The following TUBGCP3 variants were observed in gnomAD, a reference collection of about 807,000 sequenced individuals.
The protein encoded by TUBGCP3 is tubulin gamma complex component 3, also known as gamma-tubulin complex component 3.
Under a neutral mutation model 123.1 loss-of-function variants are expected in TUBGCP3, and 50 were observed. That is an observed-to-expected ratio of 0.41 (90% CI 0.32 to 0.51). TUBGCP3 has a LOEUF of 0.51. TUBGCP3 is among the 20% of genes least tolerant of loss of function. The pLI is 0.36. For synonymous variants in TUBGCP3, 405 were observed against 413.9 expected, an observed-to-expected ratio of 0.98 and a Z score of 0.26; for missense variants, 882 against 1,127.0, an observed-to-expected ratio of 0.78 and a Z score of 3.11.
At chr13:112,604,751 C>G in the TUBGCP3 span, 1 of 152,216 alleles carries the variant, frequency 6.6e-6, no homozygotes, top group Non-Finnish European at 1.5e-5. Flanking sequence ...CACCCAGTCT[C>G]TCTCCACCGC....
rs117932005 is a variant in TUBGCP3, at chr13:112,567,832, T to C, written c.184+1320A>G. Among the ~76,000 whole-genome samples, 297 of 152,344 alleles carry C rather than the reference T, an allele frequency of 1.9e-3. 1 individual carries two copies. Among genetic ancestry groups the C allele is most frequent in the East Asian group, 0.014 (73 of 5,192 alleles). On this transcript the variant is annotated intron_variant, in intron 2 of 21. Coordinates refer to ENST00000261965, the MANE Select transcript of TUBGCP3 (RefSeq NM_006322.6). Reference sequence around the variant, plus strand: ...ACCATGGGCCAAACACAGTTCATAATGCAACAGCCAGGGGTGGAAAACTGT... The same window carrying C: ...ACCATGGGCCAAACACAGTTCATAACGCAACAGCCAGGGGTGGAAAACTGT...
Position 112,498,018 on chromosome 13 carries a change from GTACATA to G in TUBGCP3, c.2448+1021_2448+1026del, listed in dbSNP as rs1212624635. ...CGTTAAGTACAGAAATTTGGTTCAT[GTACATA>G]TACATGTACACACACACACACATGC... On this transcript the variant is annotated intron_variant, in intron 20 of 21. Coordinates refer to ENST00000261965, the MANE Select transcript of TUBGCP3 (RefSeq NM_006322.6). 4.6e-5 allele frequency among the ~76,000 whole-genome samples: 7 copies of G among 152,154 alleles called. No homozygotes were observed. The South Asian group carries it at 1.5e-3, about 32-fold the overall frequency.
At chr13:112,489,973 A>G (rs1333217316) in intron 20 of TUBGCP3, 4 of 459,836 alleles carry the variant, frequency 8.7e-6, no homozygotes, top group African/African-American at 5.8e-5. Flanking sequence ...AAGGTATATA[A>G]TTCATCTCAT....
At chr13:112,591,035 G>A (rs1746166817), upstream of TUBGCP3, among the ~76,000 whole-genome samples, 1 of 152,186 alleles carries the variant, frequency 6.6e-6, no homozygotes, top group Admixed American at 6.5e-5. Context: ...CTGTTATTTA[G>A]TAAAAGATTC....
At chr13:112,604,953 G>A in the TUBGCP3 span, 2 of 152,150 alleles carry the variant, frequency 1.3e-5, no homozygotes, top group Non-Finnish European at 2.9e-5. Context: ...ATGACATCTG[G>A]CTTGTCTTTA....
chr13:112,492,791 A>G (rs1183574431), intron 20 of TUBGCP3, among the ~76,000 whole-genome samples: 2 of 151,632 alleles, frequency 1.3e-5, no homozygotes, highest in Non-Finnish European at 2.9e-5. Flanking sequence ...AGCTATGGGA[A>G]CATGGCCTGG....
intron 17 of TUBGCP3, among the ~76,000 whole-genome samples, chr13:112,510,306 G>A (rs1881592667): frequency 6.6e-6 from 1 of 152,166 alleles, no homozygotes; most frequent in African/African-American, 2.4e-5. Flanking sequence ...ATAGCATCGA[G>A]TACTGCTAAA....
chr13:112,544,263 CT>C (rs1878788163), intron 11 of TUBGCP3, among the ~76,000 whole-genome samples: 1 of 151,952 alleles, frequency 6.6e-6, no homozygotes, highest in Non-Finnish European at 1.5e-5. Flanking sequence ...ACCATCCTGG[CT>C]AACACAGTGA....
chr13:112,548,047 T>A, intron 9 of TUBGCP3, 61 bp downstream of exon 9: 1 of 1,299,198 alleles, frequency 7.7e-7, no homozygotes, highest in South Asian at 1.5e-5. Flanking sequence ...ACATTCTATA[T>A]AGCTTCAATT....
In TUBGCP3 at chr13:112,492,679, G is replaced by A. The variant is rs147502132; in HGVS notation, c.2449-2982C>T. On this transcript the variant is annotated intron_variant, in intron 20 of 21. Coordinates refer to ENST00000261965, the MANE Select transcript of TUBGCP3 (RefSeq NM_006322.6). Reference sequence around the variant, plus strand: ...CCTGAGATGCTCTGGCTATGGGAACGGGGCCTGGTATGCCTGAGACACCCT... The same window carrying A: ...CCTGAGATGCTCTGGCTATGGGAACAGGGCCTGGTATGCCTGAGACACCCT... 9.3e-3 allele frequency among the ~76,000 whole-genome samples: 1,331 copies of A among 143,518 alleles called. 7 individuals are homozygous for A. Among genetic ancestry groups the A allele is most frequent in the Middle Eastern group, 0.017 (4 of 236 alleles). The allele number at this position is 143,518 out of a possible 152,430, so 94.2% of individuals were successfully genotyped here.
chr13:112,539,633 T>C (rs1878337237), intron 11 of TUBGCP3, among the ~76,000 whole-genome samples: 1 of 152,212 alleles, frequency 6.6e-6, no homozygotes, highest in African/African-American at 2.4e-5. Flanking sequence ...TAGAGCTCTA[T>C]CTAATCTCAG....
In TUBGCP3 at chr13:112,503,980, A is replaced by G. The variant is rs964905515; in HGVS notation, c.2307+52T>C. The G allele has an allele frequency of 6.4e-6, 10 of 1,556,672 alleles. No individual in the cohort carries two copies. The African/African-American group carries it at 1.2e-4, about 19-fold the overall frequency. ...TTCCCCCATTTGACAGGAACCCAAG[A>G]AAAGAAGATGATTCTTTTGGTTTCT... On this transcript the variant is annotated intron_variant, in intron 19 of 21. Coordinates refer to ENST00000261965, the MANE Select transcript of TUBGCP3 (RefSeq NM_006322.6).
At chr13:112,590,450 A>G (rs1187309721), upstream of TUBGCP3, among the ~76,000 whole-genome samples, 1 of 151,986 alleles carries the variant, frequency 6.6e-6, no homozygotes, top group Non-Finnish European at 1.5e-5. Context: ...CCAGTTCTCC[A>G]TGTCATTTTC....
intron 11 of TUBGCP3, among the ~76,000 whole-genome samples, chr13:112,543,914 G>A (rs1163239100): frequency 6.6e-6 from 1 of 152,076 alleles, no homozygotes; most frequent in Non-Finnish European, 1.5e-5. Context: ...GTAATCAGAA[G>A]AAGAAATAAA....
chr13:112,546,126 A>C, intron 10 of TUBGCP3: 2 of 371,684 alleles, frequency 5.4e-6, no homozygotes, highest in South Asian at 1.2e-4. Context: ...TTTCAGAAAC[A>C]AAAAGTAGCA....
intron 1 of TUBGCP3, among the ~76,000 whole-genome samples, chr13:112,570,858 G>A (rs1480393783): frequency 6.6e-6 from 1 of 152,134 alleles, no homozygotes; most frequent in Non-Finnish European, 1.5e-5. Context: ...TAAATTCTTT[G>A]TTGTCATTTC....
intron 10 of TUBGCP3, chr13:112,547,226 G>A (rs1879084976): frequency 7.6e-6 from 3 of 393,268 alleles, no homozygotes; most frequent in Non-Finnish European, 1.3e-5. Context: ...CAAGGGAGCA[G>A]CAAGCACCAT....
At chr13:112,512,049 TTGAG>T (rs1881705221) in intron 17 of TUBGCP3, among the ~76,000 whole-genome samples, 1 of 152,242 alleles carries the variant, frequency 6.6e-6, no homozygotes, top group African/African-American at 2.4e-5. Flanking sequence ...CAAGAAATAA[TTGAG>T]TGTCTAGTGT....
chr13:112,547,797 A>G (rs781390369), intron 9 of TUBGCP3, 45 bp from the exon 10 acceptor site: 1 of 1,395,826 alleles, frequency 7.2e-7, no homozygotes. Flanking sequence ...AAATAACCAC[A>G]TAGATCACAC....
Sources: allele counts gnomAD v4.1 joint callset (sites outside exome capture counted in the v4.1 genomes callset), GRCh38; gene constraint gnomAD v4.1.1; transcripts MANE v1.5; gene names NCBI Gene and HGNC (gene_info 2026-07-23, HGNC 2026-07-21).